SBNO2: variants seen among roughly 807,000 people sequenced by gnomAD.
The protein encoded by SBNO2 is strawberry notch homolog 2.
Under a neutral mutation model 146.3 loss-of-function variants are expected in SBNO2, and 89 were observed. The observed-to-expected ratio is 0.61, with a 90% CI of 0.51 to 0.73. SBNO2 has a LOEUF of 0.73. SBNO2 is among the 30% of genes least tolerant of loss of function. The pLI, the probability that SBNO2 is intolerant of heterozygous loss-of-function variation, is 0.00. For synonymous variants in SBNO2, 1,147 were observed against 892.6 expected, an observed-to-expected ratio of 1.29 and a Z score of -5.08; for missense variants, 2,092 against 2,003.7, an observed-to-expected ratio of 1.04 and a Z score of -0.84.
rs2080125242 is a variant in SBNO2, at chr19:1,140,517, C to A, written c.279+6792G>T. On this transcript the variant is annotated intron_variant, in intron 4 of 31. Coordinates refer to ENST00000361757, the MANE Select transcript of SBNO2 (RefSeq NM_014963.3). This position sits in a 1 kb window ranked among gnomAD's most constrained non-coding sequence, Gnocchi z 4.4. The stretch of plus-strand genomic sequence containing the variant: ...GGGCCAGGGTGGCTGGAGGGCCGGG[C>A]AAGGCACACACGTGACACCGCGGGA... Among the ~76,000 whole-genome samples the A allele has an allele frequency of 3.3e-5, 5 of 152,130 alleles. No individual in the cohort carries two copies. In the South Asian group the frequency reaches 8.3e-4, roughly 25 times the overall value.
rs747828851 is a variant in SBNO2, at chr19:1,127,591, C to T, written c.441+13G>A. The T allele has an allele frequency of 1.8e-5, 29 of 1,609,208 alleles. No individual in the cohort carries two copies. The highest frequency in any genetic ancestry group is 3.3e-5 in the South Asian group (3 of 90,960). ...GTGGGTCGGGGCTGGCTGGGGGCAC[C>T]GGGCGCACTGACCTTATCGTGGGTG... On this transcript the variant is annotated intron_variant, in intron 5 of 31. Coordinates refer to ENST00000361757, the MANE Select transcript of SBNO2 (RefSeq NM_014963.3).
chr19:1,109,093 C>A lies in SBNO2; in HGVS notation c.3425+42G>T. 6.5e-7 allele frequency: 1 copy of A among 1,542,750 alleles called. No individual in the cohort carries two copies. Among genetic ancestry groups the A allele is most frequent in the South Asian group, 1.2e-5 (1 of 83,740 alleles). On this transcript the variant is annotated intron_variant, in intron 30 of 31. Coordinates refer to ENST00000361757, the MANE Select transcript of SBNO2 (RefSeq NM_014963.3). The surrounding 1 kb of genome is among the most constrained non-coding windows in gnomAD (Gnocchi z 4.2). ...AGCCCCCGATCCCCGCCTGGGTCGCCGCCATCTGCCGGTTTCCCCCTGGTC... is the reference window on the plus strand; with the variant it reads ...AGCCCCCGATCCCCGCCTGGGTCGCAGCCATCTGCCGGTTTCCCCCTGGTC...
chr19:1,116,490 G>A (rs2079833588), intron 16 of SBNO2, among the ~76,000 whole-genome samples: 1 of 152,124 alleles, frequency 6.6e-6, no homozygotes, highest in Non-Finnish European at 1.5e-5. Flanking sequence ...AACCAACAGG[G>A]GAGAGGCTGG....
chr19:1,169,825 T>C (rs890264271), intron 1 of SBNO2, among the ~76,000 whole-genome samples: 3 of 152,210 alleles, frequency 2.0e-5, no homozygotes, highest in Non-Finnish European at 4.4e-5. Context: ...CCGGAGCATA[T>C]GACTCAACGG....
chr19:1,153,330 C>T (rs528933487), intron 2 of SBNO2, among the ~76,000 whole-genome samples: 25 of 146,650 alleles, frequency 1.7e-4, no homozygotes, highest in East Asian at 2.0e-4. Flanking sequence ...CTCTGCCTCC[C>T]AGGTTCAAGC....
chr19:1,124,251 G>C (rs1240102216), intron 5 of SBNO2, among the ~76,000 whole-genome samples: 1 of 152,198 alleles, frequency 6.6e-6, no homozygotes, highest in Non-Finnish European at 1.5e-5. Context: ...GCTCCTCCTG[G>C]CCAGCACCTG....
chr19:1,135,428 C>T (rs745841551), intron 4 of SBNO2, among the ~76,000 whole-genome samples: 1 of 152,232 alleles, frequency 6.6e-6, no homozygotes, highest in African/African-American at 2.4e-5. Context: ...TGGAAAGCAA[C>T]GAAACAGAAA....
chr19:1,108,756 CG>C, intron 31 of SBNO2, 22 bp downstream of exon 31: 1 of 1,594,984 alleles, frequency 6.3e-7, no homozygotes. Flanking sequence ...CGGGCCTTCC[CG>C]GGGCGCCCGC....
At chr19:1,118,762 C>T (rs2079862551) in intron 14 of SBNO2, among the ~76,000 whole-genome samples, 2 of 152,106 alleles carry the variant, frequency 1.3e-5, no homozygotes. Flanking sequence ...ACTCCAGCTA[C>T]TCGAGAGGCT....
Position 1,112,191 on chromosome 19 carries a change from G to A in SBNO2, c.2626C>T (p.Leu876=), listed in dbSNP as rs375175174. 2.5e-6 allele frequency: 4 copies of A among 1,585,178 alleles called. No homozygotes were observed. Among genetic ancestry groups the A allele is most frequent in the African/African-American group, 1.3e-5 (1 of 74,492 alleles). ...ASIVAKRLES[L]GALTHGDRRA... ...CAGCCCCACCCCCACCTGCTCACCA[G>A]ACTCTCCAGGCGCTTGGCCACGATG... Residue 876 remains leucine (L), a splice_region_variant and synonymous_variant, in exon 22 of 32, where the codon CTG becomes TTG. Transcript: ENST00000361757. The surrounding 1 kb of genome is among the most constrained non-coding windows in gnomAD (Gnocchi z 5.9).
rs1361718562 is a variant in SBNO2 at position 1,173,273 on chromosome 19, G to C, written c.-127+899C>G. ...CCCTTCACCGACACACGCTGCTCCC[G>C]GGCCCCACTCGGGCCATCTCAGCCC... On this transcript the variant is annotated intron_variant, in intron 1 of 31. Transcript: ENST00000361757. This position sits in a 1 kb window ranked among gnomAD's most constrained non-coding sequence, Gnocchi z 4.7. 6.6e-6 allele frequency among the ~76,000 whole-genome samples: 1 copy of C among 152,008 alleles called. No individual in the cohort carries two copies. Among genetic ancestry groups the C allele is most frequent in the Non-Finnish European group, 1.5e-5 (1 of 68,012 alleles).
chr19:1,128,397 A>ATTT, intron 4 of SBNO2: 3 of 253,100 alleles, frequency 1.2e-5, no homozygotes, highest in South Asian at 6.4e-5. Flanking sequence ...ACATCATTTC[A>ATTT]TTTTTTTTTT....
chr19:1,172,350 G>T (rs374072948), intron 1 of SBNO2, among the ~76,000 whole-genome samples: 1 of 152,216 alleles, frequency 6.6e-6, no homozygotes, highest in Non-Finnish European at 1.5e-5. Context: ...CTCTGAAGGT[G>T]GCCCGGAGCA....
At chr19:1,123,267 T>G (rs1438467134) in intron 7 of SBNO2, among the ~76,000 whole-genome samples, 1 of 150,634 alleles carries the variant, frequency 6.6e-6, no homozygotes, top group Non-Finnish European at 1.5e-5. Flanking sequence ...GCCTGCTGGG[T>G]TGGTTGGGGG....
chr19:1,143,664 T>C (rs2080160571), intron 4 of SBNO2, among the ~76,000 whole-genome samples: 1 of 152,092 alleles, frequency 6.6e-6, no homozygotes, highest in Non-Finnish European at 1.5e-5. Context: ...TCTTCCCCCT[T>C]CACGGCCAGA....
intron 14 of SBNO2, 109 bp downstream of exon 14, chr19:1,118,902 G>T: frequency 2.6e-6 from 3 of 1,172,080 alleles, no homozygotes; most frequent in Non-Finnish European, 3.6e-6. Flanking sequence ...CCCAGGACAG[G>T]ACAGGGCGGG....
Position 1,141,032 on chromosome 19 carries a change from C to T in SBNO2, c.279+6277G>A, listed in dbSNP as rs377251992. ...TGGAGAAGACACACCCTGGAGAAGA[C>T]GCACCCCGGAGAAGACGCACCCCGG... is the stretch of plus-strand genomic sequence containing the variant. On this transcript the variant is annotated intron_variant, in intron 4 of 31. Coordinates refer to ENST00000361757, the MANE Select transcript of SBNO2 (RefSeq NM_014963.3). Among the ~76,000 whole-genome samples, 218 of 151,736 alleles carry T rather than the reference C, an allele frequency of 1.4e-3. 2 individuals are homozygous for T. Among genetic ancestry groups the T allele is most frequent in the African/African-American group, 4.9e-3 (203 of 41,346 alleles).
intron 5 of SBNO2, 96 bp from the exon 6 acceptor site, chr19:1,124,118 C>T: frequency 3.4e-6 from 4 of 1,163,176 alleles, no homozygotes; most frequent in African/African-American, 1.5e-5. Flanking sequence ...CTCCCCACTG[C>T]CCCGTCCTCG....
chr19:1,147,175 C>G, intron 4 of SBNO2, 134 bp downstream of exon 4: 1 of 615,572 alleles, frequency 1.6e-6, no homozygotes. Flanking sequence ...CACCGTAAAC[C>G]CTGCGGCCGA....
Sources: allele counts gnomAD v4.1 joint callset (sites outside exome capture counted in the v4.1 genomes callset), GRCh38; gene constraint gnomAD v4.1.1; non-coding constraint Gnocchi (gnomAD v3.1); transcripts MANE v1.5; gene names NCBI Gene and HGNC (gene_info 2026-07-23, HGNC 2026-07-21).